Variants in HPSE2 observed in about 807,000 individuals in gnomAD.
The protein encoded by HPSE2 is inactive heparanase-2.
A neutral mutation model predicts 60.5 loss-of-function variants in HPSE2; 38 were observed. The ratio of observed to expected loss-of-function variants is 0.63; its 90% confidence interval spans 0.48 to 0.82. The LOEUF (loss-of-function observed/expected upper bound fraction) is 0.82, where lower values mean the gene tolerates loss of function less well. Among genes scored for constraint, HPSE2 ranks in the 40% least tolerant of loss-of-function variants. HPSE2 has a pLI of 0.00. For synonymous variants in HPSE2, 295 were observed against 293.2 expected (o/e 1.01, Z -0.06); for missense variants, 713 against 740.4 (o/e 0.96, Z 0.43).
intron 5 of HPSE2, among the ~76,000 whole-genome samples, chr10:98,717,306 C>T (rs552636963): frequency 6.6e-6 from 1 of 152,200 alleles, no homozygotes; most frequent in Admixed American, 6.6e-5. Context: ...AAGGCTGTTT[C>T]ACTTTCTTAT....
At chr10:98,517,282 G>A (rs945269245) in intron 9 of HPSE2, among the ~76,000 whole-genome samples, 2 of 152,060 alleles carry the variant, frequency 1.3e-5, no homozygotes, top group African/African-American at 4.8e-5. Flanking sequence ...CACCCCTCAT[G>A]CCCCACCCAG....
rs554015704 is a variant in HPSE2, at chr10:98,578,896, C to G, written c.1320+36008G>C. Reference sequence around the variant, plus strand: ...CTCAGTTACCCCTTAAAATTAAACCCCTTTCAGAACAGGAAAACCCCTGGC... The same window carrying G: ...CTCAGTTACCCCTTAAAATTAAACCGCTTTCAGAACAGGAAAACCCCTGGC... On this transcript the variant is annotated intron_variant, in intron 9 of 11. Transcript: ENST00000370552. Among the ~76,000 whole-genome samples the G allele has an allele frequency of 3.5e-3, 532 of 152,256 alleles. 4 individuals carry two copies. The highest frequency in any genetic ancestry group is 5.8e-3 in the Non-Finnish European group (394 of 68,024).
the HPSE2 span, among the ~76,000 whole-genome samples, chr10:99,262,802 C>T: frequency 6.6e-6 from 1 of 152,096 alleles, no homozygotes; most frequent in Non-Finnish European, 1.5e-5. Context: ...TCCTCAATAC[C>T]TCCCTCCACA....
chr10:98,544,410 A>C (rs1943581764), intron 9 of HPSE2, among the ~76,000 whole-genome samples: 2 of 152,232 alleles, frequency 1.3e-5, no homozygotes, highest in South Asian at 4.2e-4. Flanking sequence ...CTAACATCCC[A>C]ATTAAAAGAA....
chr10:98,565,923 G>A (rs1944330242), intron 9 of HPSE2, among the ~76,000 whole-genome samples: 1 of 152,044 alleles, frequency 6.6e-6, no homozygotes. Context: ...GAGAGAGAGA[G>A]CATATCAGCC....
chr10:98,957,075 A>G (rs1381433204), intron 3 of HPSE2, among the ~76,000 whole-genome samples: 1 of 152,206 alleles, frequency 6.6e-6, no homozygotes, highest in Non-Finnish European at 1.5e-5. Flanking sequence ...TTGCATACCA[A>G]CATGTTCTGC....
chr10:99,217,361 C>T (rs911849258), intron 2 of HPSE2, among the ~76,000 whole-genome samples: 13 of 151,710 alleles, frequency 8.6e-5, no homozygotes, highest in Admixed American at 8.5e-4. Context: ...GGCATTTTTC[C>T]GTAAGAGCTG....
intron 6 of HPSE2, among the ~76,000 whole-genome samples, chr10:98,692,718 G>A (rs547948641): frequency 1.1e-3 from 168 of 152,186 alleles, no homozygotes; most frequent in Non-Finnish European, 2.1e-3. Flanking sequence ...GCAGTGAGCC[G>A]AGATCGCGCC....
rs150055984 is a variant in HPSE2, at chr10:98,513,369, G to A, written c.1321-23173C>T. ...GGGTTCCACGGAGCAGCCAGTGGCAGCAGTGAGAAACATTTAACCCAATAC... is the reference window on the plus strand; with the variant it reads ...GGGTTCCACGGAGCAGCCAGTGGCAACAGTGAGAAACATTTAACCCAATAC... On this transcript the variant is annotated intron_variant, in intron 9 of 11. Transcript: ENST00000370552. Among the ~76,000 whole-genome samples the A allele has an allele frequency of 5.3e-3, 811 of 152,304 alleles. 13 individuals carry two copies. The highest frequency in any genetic ancestry group is 4.4e-3 in the Non-Finnish European group (301 of 68,024).
the HPSE2 span, among the ~76,000 whole-genome samples, chr10:99,267,522 G>A: frequency 2.0e-5 from 3 of 152,026 alleles, no homozygotes; most frequent in Non-Finnish European, 2.9e-5. Flanking sequence ...GGTGGCTCAC[G>A]CCTGTAATCC....
Position 98,586,871 on chromosome 10 carries a change from A to T in HPSE2, c.1320+28033T>A, listed in dbSNP as rs993745703. On this transcript the variant is annotated intron_variant, in intron 9 of 11. Coordinates refer to ENST00000370552, the MANE Select transcript of HPSE2 (RefSeq NM_021828.5). ...ACTTTGGGAAACATTGGCGCAGAGG[A>T]ATAATGGTGGGCTTTGGGGCCAGAT... Among the ~76,000 whole-genome samples the T allele has an allele frequency of 3.3e-5, 5 of 152,166 alleles. 1 individual carries two copies. The highest frequency in any genetic ancestry group is 1.2e-4 in the African/African-American group (5 of 41,424).
intron 6 of HPSE2, among the ~76,000 whole-genome samples, chr10:98,684,827 A>G (rs1947871982): frequency 6.6e-6 from 1 of 152,140 alleles, no homozygotes; most frequent in East Asian, 1.9e-4. Context: ...TACCAAAAAA[A>G]AGGAAGCTAC....
intron 3 of HPSE2, among the ~76,000 whole-genome samples, chr10:98,994,095 T>A (rs1402317333): frequency 6.6e-6 from 1 of 152,166 alleles, no homozygotes; most frequent in Non-Finnish European, 1.5e-5. Flanking sequence ...CTGCCTGTAT[T>A]TAAACTCTTA....
chr10:98,634,241 C>T (rs1946437689), intron 7 of HPSE2, among the ~76,000 whole-genome samples: 1 of 152,162 alleles, frequency 6.6e-6, no homozygotes, highest in Admixed American at 6.5e-5. Flanking sequence ...TTCACCTGCC[C>T]CTCGCTTTGT....
At chr10:99,071,639 C>T (rs1372539875) in intron 3 of HPSE2, among the ~76,000 whole-genome samples, 1 of 152,210 alleles carries the variant, frequency 6.6e-6, no homozygotes, top group African/African-American at 2.4e-5. Flanking sequence ...GAAACCATCG[C>T]TAATGCCAAT....
At chr10:98,771,662 T>C (rs1444195235) in intron 3 of HPSE2, among the ~76,000 whole-genome samples, 1 of 152,152 alleles carries the variant, frequency 6.6e-6, no homozygotes, top group African/African-American at 2.4e-5. Context: ...TGAAAGAGCT[T>C]GATCAAGGGG....
At chr10:98,956,124 AC>A (rs1317536400) in intron 3 of HPSE2, among the ~76,000 whole-genome samples, 3 of 152,218 alleles carry the variant, frequency 2.0e-5, no homozygotes, top group Non-Finnish European at 2.9e-5. Flanking sequence ...TTTTAAAAAA[AC>A]AAAAACAAAA....
intron 3 of HPSE2, among the ~76,000 whole-genome samples, chr10:98,887,867 G>A (rs1786874609): frequency 6.7e-6 from 1 of 150,058 alleles, no homozygotes; most frequent in Non-Finnish European, 1.5e-5. Flanking sequence ...ATGAAGATGT[G>A]AACGCACACC....
chr10:98,770,641 T>C (rs2785216), intron 3 of HPSE2, among the ~76,000 whole-genome samples: 131,234 of 152,102 alleles, frequency 0.86, 57,071 homozygotes, highest in African/African-American at 0.97. Flanking sequence ...ATGCCTTCCC[T>C]TCTCCTCGCC....
Sources: gnomAD v4.1 joint callset for allele counts (sites outside exome capture counted in the v4.1 genomes callset) on GRCh38, gnomAD v4.1.1 for gene constraint, MANE v1.5 for transcripts, NCBI Gene and HGNC (gene_info 2026-07-23, HGNC 2026-07-21) for gene names.